The following CHN2 variants were observed in gnomAD, a reference collection of about 807,000 sequenced individuals.
CHN2 encodes beta-chimaerin.
A neutral mutation model predicts 56.3 loss-of-function variants in CHN2; 35 were observed. The observed-to-expected ratio is 0.62, with a 90% confidence interval of 0.47 to 0.82. CHN2 has a LOEUF of 0.82. Among genes scored for constraint, CHN2 ranks in the 40% least tolerant of loss-of-function variants. The pLI, the probability that CHN2 is intolerant of heterozygous loss-of-function variation, is 0.00. For synonymous variants in CHN2, 210 were observed against 212.8 expected (o/e 0.99, Z 0.12); for missense variants, 491 against 580.5 (o/e 0.85, Z 1.58).
Position 29,393,660 on chromosome 7 carries a change from T to G in CHN2, c.145-19T>G. Reference sequence around the variant, plus strand: ...TTGAATTCAAATGCATTATTAATTTTTTTTTCTTTTTAATATAGGTGGAAA... The same window carrying G: ...TTGAATTCAAATGCATTATTAATTTGTTTTTCTTTTTAATATAGGTGGAAA... On this transcript the variant is annotated intron_variant, in intron 3 of 12. Transcript: ENST00000222792. 1.1e-6 allele frequency: 1 copy of G among 884,166 alleles called. No homozygotes were observed. Among genetic ancestry groups the G allele is most frequent in the Non-Finnish European group, 1.7e-6 (1 of 598,200 alleles). The allele number at this position is 884,166 out of a possible 1,614,324, so 54.8% of individuals were successfully genotyped here. A position where few individuals can be genotyped will look rare whatever the true frequency, so the allele number is the denominator to read the frequency against.
chr7:29,457,757 G>A (rs74397775), intron 6 of CHN2, among the ~76,000 whole-genome samples: 2 of 152,220 alleles, frequency 1.3e-5, no homozygotes, highest in African/African-American at 4.8e-5. Context: ...GTGCTTAAAC[G>A]TCCTGACATG....
chr7:29,503,076 C>T (rs866342575), intron 9 of CHN2, among the ~76,000 whole-genome samples: 23 of 152,056 alleles, frequency 1.5e-4, no homozygotes, highest in African/African-American at 4.6e-4. Context: ...ATGTTTGTGT[C>T]CCCTGCCCCA....
At chr7:29,344,427 A>G (rs1797272126) in intron 1 of CHN2, among the ~76,000 whole-genome samples, 1 of 152,100 alleles carries the variant, frequency 6.6e-6, no homozygotes, top group Non-Finnish European at 1.5e-5. Flanking sequence ...TACTTCTTTA[A>G]TATAATCCCT....
At chr7:29,472,726 T>C (rs969401451) in intron 6 of CHN2, among the ~76,000 whole-genome samples, 3 of 152,222 alleles carry the variant, frequency 2.0e-5, no homozygotes, top group African/African-American at 7.2e-5. Flanking sequence ...CAAGCCAATG[T>C]TGGCATCATG....
At chr7:29,341,622 GA>G (rs2128913978) in intron 1 of CHN2, among the ~76,000 whole-genome samples, 1 of 150,794 alleles carries the variant, frequency 6.6e-6, no homozygotes, top group South Asian at 2.1e-4. Context: ...GGGAGAGAGG[GA>G]GGGGGGCATC....
At chr7:29,309,597 T>C (rs1243159024) in intron 1 of CHN2, among the ~76,000 whole-genome samples, 1 of 152,244 alleles carries the variant, frequency 6.6e-6, no homozygotes, top group Non-Finnish European at 1.5e-5. Flanking sequence ...CATGTGGCAG[T>C]CTGAGAAGTG....
chr7:29,425,747 T>C (rs1199330786), intron 6 of CHN2, among the ~76,000 whole-genome samples: 1 of 152,112 alleles, frequency 6.6e-6, no homozygotes, highest in Non-Finnish European at 1.5e-5. Context: ...AATAAATTAT[T>C]ATATTGATAT....
At chr7:29,302,154 C>T (rs754089381) in intron 1 of CHN2, among the ~76,000 whole-genome samples, 3 of 152,184 alleles carry the variant, frequency 2.0e-5, no homozygotes, top group African/African-American at 4.8e-5. Context: ...TACAGTTTAG[C>T]GAGCGTGATT....
At chr7:29,159,213 T>C (rs1794843936) in intron 2 of CHN2, among the ~76,000 whole-genome samples, 1 of 152,206 alleles carries the variant, frequency 6.6e-6, no homozygotes, top group Non-Finnish European at 1.5e-5. Flanking sequence ...AGACCTGAGA[T>C]GGACCTTGAA....
chr7:29,372,247 T>C (rs1799674448), intron 3 of CHN2, among the ~76,000 whole-genome samples: 1 of 151,980 alleles, frequency 6.6e-6, no homozygotes, highest in Admixed American at 6.6e-5. Context: ...GCACTGTCAC[T>C]ATCACTGGGC....
chr7:29,364,713 A>G (rs979309675), intron 2 of CHN2, among the ~76,000 whole-genome samples: 3 of 152,212 alleles, frequency 2.0e-5, no homozygotes, highest in South Asian at 2.1e-4. Flanking sequence ...CTCACGTATT[A>G]AAAGAAGCCT....
At chr7:29,496,651 A>G (rs1232039631) in intron 8 of CHN2, among the ~76,000 whole-genome samples, 1 of 152,214 alleles carries the variant, frequency 6.6e-6, no homozygotes, top group East Asian at 1.9e-4. Flanking sequence ...CAGTGAAACC[A>G]TGCACCTTGA....
intron 1 of CHN2, among the ~76,000 whole-genome samples, chr7:29,214,580 C>G (rs961064866): frequency 6.6e-6 from 1 of 152,104 alleles, no homozygotes; most frequent in Non-Finnish European, 1.5e-5. Flanking sequence ...GGTGTCTTTC[C>G]TAATCTTCAC....
chr7:29,154,538 A>C (rs1472340477), intron 2 of CHN2, among the ~76,000 whole-genome samples: 1 of 152,196 alleles, frequency 6.6e-6, no homozygotes, highest in Non-Finnish European at 1.5e-5. Flanking sequence ...ATATTTAAAG[A>C]AGTATTATTA....
intron 1 of CHN2, among the ~76,000 whole-genome samples, chr7:29,232,294 TC>T (rs35928422): frequency 0.37 from 56,842 of 152,000 alleles, 10,818 homozygotes; most frequent in East Asian, 0.54. Flanking sequence ...CTTTCAGTCT[TC>T]CTTTCAAAGC....
chr7:29,450,392 T>C (rs1177576921), intron 6 of CHN2, among the ~76,000 whole-genome samples: 2 of 152,194 alleles, frequency 1.3e-5, no homozygotes, highest in South Asian at 2.1e-4. Context: ...GGATAATCTT[T>C]GTGGACCCTA....
chr7:29,502,106 C>T (rs1790033682), intron 9 of CHN2, among the ~76,000 whole-genome samples: 1 of 152,198 alleles, frequency 6.6e-6, no homozygotes, highest in Admixed American at 6.5e-5. Flanking sequence ...TGACCCACAC[C>T]CATACCTCCA....
intron 5 of CHN2, among the ~76,000 whole-genome samples, chr7:29,398,798 C>T (rs1283380075): frequency 2.0e-5 from 3 of 149,292 alleles, no homozygotes; most frequent in African/African-American, 7.4e-5. Flanking sequence ...AATGGGGTCT[C>T]ACCATGTTGC....
At chr7:29,281,992 A>C (rs1473974436) in intron 1 of CHN2, among the ~76,000 whole-genome samples, 1 of 152,158 alleles carries the variant, frequency 6.6e-6, no homozygotes, top group East Asian at 1.9e-4. Flanking sequence ...TCCATAAATA[A>C]CATAGAGACA....
Sources: allele counts gnomAD v4.1 joint callset (sites outside exome capture counted in the v4.1 genomes callset), GRCh38; gene constraint gnomAD v4.1.1; transcripts MANE v1.5; gene names NCBI Gene and HGNC (gene_info 2026-07-23, HGNC 2026-07-21).